The following OPCML variants were observed in gnomAD, a reference collection of about 807,000 sequenced individuals.
OPCML encodes opioid-binding protein/cell adhesion molecule.
Under a neutral mutation model 37.8 loss-of-function variants are expected in OPCML, and 13 were observed. The observed-to-expected ratio is 0.34, with a 90% CI of 0.22 to 0.55. The LOEUF (loss-of-function observed/expected upper bound fraction) is 0.55, where lower values mean the gene tolerates loss of function less well. OPCML is among the 20% of genes least tolerant of loss of function. The pLI, the probability that OPCML is intolerant of heterozygous loss-of-function variation, is 0.91. For missense variants in OPCML, 341 were observed against 435.6 expected, an observed-to-expected ratio of 0.78 and a Z score of 1.93; for synonymous variants, 176 against 168.8, an observed-to-expected ratio of 1.04 and a Z score of -0.33.
chr11:133,257,972 C>G (rs1177048597), intron 1 of OPCML, among the ~76,000 whole-genome samples: 1 of 151,972 alleles, frequency 6.6e-6, no homozygotes, highest in Non-Finnish European at 1.5e-5. Context: ...TATTGGACTT[C>G]AGATTTATTC....
At chr11:132,849,130 A>T (rs1276128684) in intron 2 of OPCML, among the ~76,000 whole-genome samples, 1 of 152,238 alleles carries the variant, frequency 6.6e-6, no homozygotes, top group African/African-American at 2.4e-5. Context: ...AATAGTTTAC[A>T]ATGCTCATTT....
At chr11:132,541,860 G>T (rs1380378339) in intron 3 of OPCML, among the ~76,000 whole-genome samples, 1 of 152,090 alleles carries the variant, frequency 6.6e-6, no homozygotes, top group Non-Finnish European at 1.5e-5. Flanking sequence ...CAGGGCTTTT[G>T]GTTTGGACAC....
At chr11:132,854,503 C>A (rs1591706640) in intron 2 of OPCML, among the ~76,000 whole-genome samples, 1 of 152,334 alleles carries the variant, frequency 6.6e-6, no homozygotes, top group South Asian at 2.1e-4. Flanking sequence ...GTTCCCCTGG[C>A]AAGCAGCCCC....
chr11:132,587,088 C>A (rs1366243620), intron 3 of OPCML, among the ~76,000 whole-genome samples: 2 of 152,156 alleles, frequency 1.3e-5, no homozygotes, highest in Non-Finnish European at 2.9e-5. Context: ...GGCTGCAGTG[C>A]AAGCATTCCT....
chr11:132,828,639 GA>G (rs1484989953), intron 2 of OPCML, among the ~76,000 whole-genome samples: 2 of 152,022 alleles, frequency 1.3e-5, no homozygotes, highest in African/African-American at 4.8e-5. Context: ...AAAAAAAGTG[GA>G]ATTTTTTTAT....
chr11:132,442,287 A>G (rs1027031609), intron 4 of OPCML, among the ~76,000 whole-genome samples: 3 of 152,154 alleles, frequency 2.0e-5, no homozygotes, highest in African/African-American at 7.2e-5. Flanking sequence ...GCTGAGAGAA[A>G]CCTAACTATT....
chr11:132,816,360 G>T (rs563264947), intron 2 of OPCML, among the ~76,000 whole-genome samples: 4 of 152,186 alleles, frequency 2.6e-5, no homozygotes, highest in African/African-American at 9.6e-5. Flanking sequence ...AAATATCTCC[G>T]AGGCATTATG....
chr11:132,617,314 T>A (rs577980540), intron 3 of OPCML, among the ~76,000 whole-genome samples: 2 of 152,326 alleles, frequency 1.3e-5, no homozygotes, highest in East Asian at 3.9e-4. Context: ...TCGAGGAAAT[T>A]CTTTCAACTG....
intron 1 of OPCML, among the ~76,000 whole-genome samples, chr11:133,469,696 T>C (rs536377059): frequency 1.4e-4 from 22 of 152,194 alleles, no homozygotes; most frequent in Non-Finnish European, 2.6e-4. Context: ...TCTGACCCAA[T>C]TGGCTTTCTA....
intron 1 of OPCML, among the ~76,000 whole-genome samples, chr11:133,306,903 T>C (rs1435457800): frequency 6.6e-6 from 1 of 152,204 alleles, no homozygotes; most frequent in Non-Finnish European, 1.5e-5. Flanking sequence ...GGCCATGTAA[T>C]AGGTATCATA....
intron 7 of OPCML, among the ~76,000 whole-genome samples, chr11:132,434,006 C>T (rs1024532957): frequency 4.6e-5 from 7 of 152,206 alleles, no homozygotes; most frequent in African/African-American, 1.7e-4. Flanking sequence ...CCATGACACA[C>T]CTCTTTCTTA....
At chr11:132,582,149 T>TGTGTGTGTGTGA (rs879738609) in intron 3 of OPCML, among the ~76,000 whole-genome samples, 1 of 129,680 alleles carries the variant, frequency 7.7e-6, no homozygotes, top group African/African-American at 2.8e-5. Context: ...TGTGTGTGTG[T>TGTGTGTGTGTGA]GAAACAGAGA....
intron 1 of OPCML, among the ~76,000 whole-genome samples, chr11:133,409,937 G>A (rs571403716): frequency 3.3e-5 from 5 of 152,040 alleles, no homozygotes; most frequent in African/African-American, 4.8e-5. Context: ...ACACACAGGC[G>A]GGTCACATAG....
At chr11:132,711,234 T>C (rs1046196310) in intron 2 of OPCML, among the ~76,000 whole-genome samples, 2 of 152,146 alleles carry the variant, frequency 1.3e-5, no homozygotes, top group Non-Finnish European at 2.9e-5. Context: ...TTCATATGGT[T>C]CTCCGCAAGC....
chr11:133,049,577 T>A (rs1948092290), intron 1 of OPCML, among the ~76,000 whole-genome samples: 1 of 152,244 alleles, frequency 6.6e-6, no homozygotes, highest in Non-Finnish European at 1.5e-5. Context: ...GAGAAGTTGA[T>A]CGCAGATGAG....
At chr11:133,248,318 T>C (rs1565528412) in intron 1 of OPCML, among the ~76,000 whole-genome samples, 2 of 152,214 alleles carry the variant, frequency 1.3e-5, no homozygotes, top group South Asian at 4.1e-4. Context: ...GGTTAGGGCG[T>C]ACCTTTGAGC....
chr11:132,837,254 C>T (rs956056080), intron 2 of OPCML, among the ~76,000 whole-genome samples: 2 of 152,056 alleles, frequency 1.3e-5, no homozygotes, highest in Admixed American at 6.6e-5. Context: ...GCAGAGGTTG[C>T]GGTGACCGAG....
intron 4 of OPCML, among the ~76,000 whole-genome samples, chr11:132,520,207 C>T (rs1209571279): frequency 1.3e-5 from 2 of 152,122 alleles, no homozygotes; most frequent in Non-Finnish European, 2.9e-5. Flanking sequence ...GAATTTGATT[C>T]AATATATCAT....
chr11:132,477,289 G>A (rs1029972478), intron 4 of OPCML, among the ~76,000 whole-genome samples: 8 of 152,322 alleles, frequency 5.3e-5, no homozygotes, highest in South Asian at 4.1e-4. Flanking sequence ...AGCCTGTGCT[G>A]CACCAGGTAG....
Sources: gnomAD v4.1 joint callset for allele counts (sites outside exome capture counted in the v4.1 genomes callset) on GRCh38, gnomAD v4.1.1 for gene constraint, MANE v1.5 for transcripts, NCBI Gene and HGNC (gene_info 2026-07-23, HGNC 2026-07-21) for gene names.